The following PHLDB2 variants were observed in gnomAD, a reference collection of about 807,000 sequenced individuals.
PHLDB2 encodes pleckstrin homology-like domain family B member 2.
A neutral mutation model predicts 123.6 loss-of-function variants in PHLDB2; 71 were observed. The observed-to-expected ratio is 0.57, with a 90% CI of 0.47 to 0.70. The LOEUF (loss-of-function observed/expected upper bound fraction) is 0.70, where lower values mean the gene tolerates loss of function less well. Among genes scored for constraint, PHLDB2 ranks in the 30% least tolerant of loss-of-function variants. The pLI, the probability that PHLDB2 is intolerant of heterozygous loss-of-function variation, is 0.00. For missense variants in PHLDB2, 1,446 were observed against 1,519.5 expected, an observed-to-expected ratio of 0.95 and a Z score of 0.80; for synonymous variants, 547 against 541.6, an observed-to-expected ratio of 1.01 and a Z score of -0.14.
intron 2 of PHLDB2, among the ~76,000 whole-genome samples, chr3:111,888,520 A>C (rs993338817): frequency 1.2e-4 from 19 of 152,188 alleles, no homozygotes; most frequent in Admixed American, 1.0e-3. Context: ...ATGAGCAAGA[A>C]AGCTCAAATC....
Position 111,771,126 on chromosome 3 carries a change from G to C in PHLDB2, c.-49+38423G>C, listed in dbSNP as rs567169569. Among the ~76,000 whole-genome samples, 5 of 152,346 alleles carry C rather than the reference G, an allele frequency of 3.3e-5. No individual in the cohort carries two copies. In the South Asian group the frequency reaches 1.0e-3, roughly 32 times the overall value. On this transcript the variant is annotated intron_variant, in intron 1 of 17. Coordinates refer to the PHLDB2 transcript ENST00000393923. ...AATCATGGGTTTTGAGAAAGAAGAA[G>C]CGGTGCCTAGCTAAATGTATTTGTT...
intron 3 of PHLDB2, chr3:111,916,491 T>C (rs2068184440): frequency 6.6e-6 from 1 of 152,210 alleles, no homozygotes; most frequent in African/African-American, 2.4e-5. Flanking sequence ...ATGTTAATAA[T>C]CGATTTAGGG....
At chr3:111,891,964 G>A (rs1208236375) in intron 2 of PHLDB2, among the ~76,000 whole-genome samples, 1 of 152,162 alleles carries the variant, frequency 6.6e-6, no homozygotes, top group African/African-American at 2.4e-5. Context: ...AGAACCAGTG[G>A]ATTCCCACAA....
intron 1 of PHLDB2, among the ~76,000 whole-genome samples, chr3:111,828,523 G>T (rs1163385287): frequency 2.0e-5 from 3 of 152,164 alleles, no homozygotes; most frequent in African/African-American, 7.2e-5. Flanking sequence ...AGGCACAGTG[G>T]TTCACGCCTG....
At chr3:111,907,232 T>G (rs2067596851) in intron 2 of PHLDB2, among the ~76,000 whole-genome samples, 3 of 152,082 alleles carry the variant, frequency 2.0e-5, no homozygotes, top group African/African-American at 7.2e-5. Flanking sequence ...ATTCGATAAT[T>G]CACTAGAAAG....
At chr3:111,788,582 G>A (rs1352111387) in intron 1 of PHLDB2, among the ~76,000 whole-genome samples, 1 of 152,116 alleles carries the variant, frequency 6.6e-6, no homozygotes, top group Non-Finnish European at 1.5e-5. Flanking sequence ...TCTAAAAAGA[G>A]CCTAAGATGA....
intron 2 of PHLDB2, among the ~76,000 whole-genome samples, chr3:111,850,590 A>G (rs2064206143): frequency 1.3e-5 from 2 of 152,162 alleles, no homozygotes; most frequent in Admixed American, 1.3e-4. Context: ...ATGTAGCAAG[A>G]TCCCATCTCT....
intron 2 of PHLDB2, among the ~76,000 whole-genome samples, chr3:111,886,132 G>A (rs1454429520): frequency 2.6e-5 from 4 of 152,134 alleles, no homozygotes; most frequent in Non-Finnish European, 4.4e-5. Context: ...TTAAGCACAG[G>A]TTTTTCTCTT....
In PHLDB2 at chr3:111,739,516, A is replaced by G. The variant is rs186775180; in HGVS notation, c.-49+6813A>G. Among the ~76,000 whole-genome samples, 11 of 151,112 alleles carry G rather than the reference A, an allele frequency of 7.3e-5. No homozygotes were observed. The East Asian group carries it at 2.1e-3, about 30-fold the overall frequency. ...TGTGTGTTTGGAGGAGGAGGAGAAG[A>G]TGACATTATAAACAAAAGGCAGAGA... On this transcript the variant is annotated intron_variant, in intron 1 of 17. Coordinates refer to the PHLDB2 transcript ENST00000393923.
At chr3:111,785,080 G>GA (rs1244905133) in intron 1 of PHLDB2, among the ~76,000 whole-genome samples, 63 of 152,252 alleles carry the variant, frequency 4.1e-4, no homozygotes, top group African/African-American at 1.4e-3. Flanking sequence ...CTGTGTGTGA[G>GA]AAAATCTGTT....
intron 17 of PHLDB2, among the ~76,000 whole-genome samples, chr3:111,974,203 T>C (rs1184043663): frequency 1.3e-5 from 2 of 152,202 alleles, no homozygotes; most frequent in Non-Finnish European, 2.9e-5. Flanking sequence ...AACTAGCTGC[T>C]GAAATAATTT....
At chr3:111,918,006 A>T (rs898707862) in intron 3 of PHLDB2, among the ~76,000 whole-genome samples, 6 of 152,204 alleles carry the variant, frequency 3.9e-5, no homozygotes, top group Non-Finnish European at 7.3e-5. Context: ...TGATCCAAAA[A>T]AATTACTTCT....
chr3:111,822,510 T>C (rs529571034), intron 1 of PHLDB2, among the ~76,000 whole-genome samples: 2 of 152,136 alleles, frequency 1.3e-5, no homozygotes, highest in Admixed American at 1.3e-4. Flanking sequence ...GAATTGAAAA[T>C]CTCCTTGAGC....
Position 111,930,426 on chromosome 3 carries a change from C to T in PHLDB2, c.2002-1843C>T, listed in dbSNP as rs2069075203. ...ATGAGTAGTCTTCTTTTTTAAATTA[C>T]TTTTTAGCTTTCCATTTGGAGGTAG... On this transcript the variant is annotated intron_variant, in intron 5 of 17. Coordinates refer to ENST00000431670, the MANE Select transcript of PHLDB2 (RefSeq NM_001134438.2). Among the ~76,000 whole-genome samples the T allele has an allele frequency of 4.0e-5, 6 of 151,694 alleles. No individual in the cohort carries two copies. The South Asian group carries it at 1.2e-3, about 31-fold the overall frequency.
At chr3:111,861,523 G>C (rs1188734250) in intron 1 of PHLDB2, among the ~76,000 whole-genome samples, 1 of 152,188 alleles carries the variant, frequency 6.6e-6, no homozygotes, top group Non-Finnish European at 1.5e-5. Flanking sequence ...GGAAAAATGA[G>C]ATGTCTGGTT....
chr3:111,954,246 T>C (rs2070891570), intron 12 of PHLDB2, among the ~76,000 whole-genome samples: 1 of 152,174 alleles, frequency 6.6e-6, no homozygotes, highest in Admixed American at 6.5e-5. Flanking sequence ...CTTTATAGAT[T>C]TGATAGAACT....
chr3:111,835,102 C>T (rs886563629), intron 1 of PHLDB2, among the ~76,000 whole-genome samples: 1 of 152,084 alleles, frequency 6.6e-6, no homozygotes, highest in Admixed American at 6.6e-5. Context: ...GAGAGATTTA[C>T]CATGAGCCTC....
At chr3:111,920,174 C>A in intron 4 of PHLDB2, 108 bp from the exon 5 acceptor site, 1 of 1,285,560 alleles carries the variant, frequency 7.8e-7, no homozygotes, top group South Asian at 1.6e-5. Context: ...CTGGCTGCTA[C>A]AGTATTACTT....
chr3:111,885,408 G>T lies in PHLDB2; in HGVS notation c.1331G>T (p.Arg444Leu). 6.2e-7 allele frequency: 1 copy of T among 1,614,054 alleles called. No homozygotes were observed. The highest frequency in any genetic ancestry group is 8.5e-7 in the Non-Finnish European group (1 of 1,180,030). The change falls in exon 2 of 18, where the codon CGA (arginine) becomes CTA (leucine). Residue 444 changes from arginine (R) to leucine (L), a missense_variant. Physicochemically the swap from Arg to Leu is moderately radical, Grantham distance 102 (BLOSUM62 -2). Coordinates refer to ENST00000431670, the MANE Select transcript of PHLDB2 (RefSeq NM_001134438.2). ...AGACTCAGGGAGCAGGAAATGGAGC[G>T]ATTGGTAATCTTCATCTCAACAGTG... ...EERLREQEME[R>L]LERQRLETIL... is the part of the protein sequence containing the mutation.
Sources: allele counts gnomAD v4.1 joint callset (sites outside exome capture counted in the v4.1 genomes callset), GRCh38; gene constraint gnomAD v4.1.1; transcripts MANE v1.5; gene names NCBI Gene and HGNC (gene_info 2026-07-23, HGNC 2026-07-21).